Variants in IL17B observed in about 807,000 individuals in gnomAD.
IL17B encodes the protein interleukin-17B.
Under a neutral mutation model 14.7 loss-of-function variants are expected in IL17B, and 14 were observed. The ratio of observed to expected loss-of-function variants is 0.95; its 90% CI spans 0.63 to 1.49. The LOEUF is 1.49. Ranked by LOEUF, IL17B falls within the 40% of genes most tolerant of loss-of-function variation. The pLI, the probability that IL17B is intolerant of heterozygous loss-of-function variation, is 0.00. For missense variants in IL17B, 233 were observed against 252.8 expected (o/e 0.92, Z 0.53); for synonymous variants, 105 against 94.8 (o/e 1.11, Z -0.62).
intron 1 of IL17B, among the ~76,000 whole-genome samples, chr5:149,397,541 C>A (rs1057085192): frequency 2.6e-5 from 4 of 152,162 alleles, no homozygotes; most frequent in Non-Finnish European, 5.9e-5. Flanking sequence ...TGCGAGGGAA[C>A]AATTTCACAG....
In IL17B at chr5:149,376,997, A is replaced by G; in HGVS notation, c.50T>C (p.Leu17Pro). 1 of 1,568,572 alleles carries G rather than the reference A, an allele frequency of 6.4e-7. No homozygotes were observed. Among genetic ancestry groups the G allele is most frequent in the South Asian group, 1.2e-5 (1 of 83,686 alleles). Residue 17 changes from leucine to proline, a missense_variant, in exon 2 of 3, where the codon CTG becomes CCG. Leu to Pro is a moderately conservative substitution (Grantham distance 98). Transcript: ENST00000261796. ...LLFLLTISIF[L>P]GLGQPRSPKS... is the part of the protein sequence containing the mutation. ...GGGGCTCCTGGGCTGGCCCAGCCCC[A>G]GGAAGATGGAAATGGTAAGAAGAAA...
intron 1 of IL17B, among the ~76,000 whole-genome samples, chr5:149,391,109 G>A (rs1195177833): frequency 6.6e-6 from 1 of 152,136 alleles, no homozygotes; most frequent in East Asian, 1.9e-4. Context: ...TGGGATTACA[G>A]GCACCTGCCA....
At chr5:149,378,091 C>A (rs1379124429) in intron 1 of IL17B, among the ~76,000 whole-genome samples, 1 of 151,984 alleles carries the variant, frequency 6.6e-6, no homozygotes, top group East Asian at 1.9e-4. Flanking sequence ...TTGCAGTGAG[C>A]CGAGATCACA....
At position 149,377,011 on chromosome 5, in the gene IL17B, G is replaced by C; in HGVS notation, c.36C>G (p.Thr12=). Residue 12 remains threonine (T), a synonymous_variant, in exon 2 of 3, where the codon ACC becomes ACG. Coordinates refer to ENST00000261796, the MANE Select transcript of IL17B (RefSeq NM_014443.3). ...DWPHNLLFLL[T]ISIFLGLGQP... ...GGCCCAGCCCCAGGAAGATGGAAATGGTAAGAAGAAACAGCTGGGGAGGAA... is the reference window on the plus strand; with the variant it reads ...GGCCCAGCCCCAGGAAGATGGAAATCGTAAGAAGAAACAGCTGGGGAGGAA... The C allele has an allele frequency of 1.3e-6, 2 of 1,554,262 alleles. No homozygotes were observed. The highest frequency in any genetic ancestry group is 1.7e-6 in the Non-Finnish European group (2 of 1,155,792).
intron 1 of IL17B, among the ~76,000 whole-genome samples, chr5:149,402,526 T>C (rs954613164): frequency 1.3e-5 from 2 of 152,102 alleles, no homozygotes; most frequent in Admixed American, 6.5e-5. Flanking sequence ...CTTCCTGTCC[T>C]GGCCTATCTG....
chr5:149,393,277 T>C (rs1168845600), intron 1 of IL17B, among the ~76,000 whole-genome samples: 1 of 152,204 alleles, frequency 6.6e-6, no homozygotes, highest in Non-Finnish European at 1.5e-5. Context: ...CAGGTCGCAG[T>C]GCACGCTTCC....
intron 1 of IL17B, among the ~76,000 whole-genome samples, chr5:149,393,116 C>T (rs574758814): frequency 1.1e-4 from 16 of 152,194 alleles, no homozygotes; most frequent in African/African-American, 3.6e-4. Flanking sequence ...TTACCTAACC[C>T]GTTTATTGTA....
chr5:149,389,066 T>C (rs1017089969), intron 1 of IL17B, among the ~76,000 whole-genome samples: 3 of 152,230 alleles, frequency 2.0e-5, no homozygotes, highest in Admixed American at 6.5e-5. Context: ...GGCAGAATAT[T>C]CTGTTCACTT....
chr5:149,376,879 A>C lies in IL17B; in HGVS notation c.168T>G (p.Tyr56Ter). The stretch of plus-strand genomic sequence containing the variant: ...TCCTCTCATACTCCTCCATGCGGGC[A>C]TACGGTTTCATCCGTGACACCAGGT... ...PLDLVSRMKPYARMEEYERNI... is the reference protein window; with the variant it reads ...PLDLVSRMKP Residue 56 changes from tyrosine (Y) to a stop codon, truncating the protein, a stop_gained, in exon 2 of 3, where the codon TAT becomes TAG. Transcript: ENST00000261796. LOFTEE classifies it high-confidence loss of function. 1 of 1,614,146 alleles carries C rather than the reference A, an allele frequency of 6.2e-7. No individual in the cohort carries two copies. The highest frequency in any genetic ancestry group is 8.5e-7 in the Non-Finnish European group (1 of 1,180,020).
intron 1 of IL17B, among the ~76,000 whole-genome samples, chr5:149,384,553 G>A (rs953076117): frequency 6.6e-6 from 1 of 152,192 alleles, no homozygotes; most frequent in Non-Finnish European, 1.5e-5. Context: ...CCTCATCCCT[G>A]CTATGTAGCA....
rs1310368315 is a variant in IL17B at position 149,374,576 on chromosome 5, G to T, written c.336C>A (p.Ile112=). 6.2e-7 allele frequency: 1 copy of T among 1,612,322 alleles called. No homozygotes were observed. The change falls in exon 3 of 3, where the codon ATC becomes ATA. Residue 112 remains isoleucine (I), a synonymous_variant. Transcript: ENST00000261796. The surrounding 1 kb of genome is among the most constrained non-coding windows in gnomAD (Gnocchi z 5.0). The stretch of plus-strand genomic sequence containing the variant: ...ACCGTGCCTCCGGCAGGTCCACGGG[G>T]ATACGGCTGGGGTCGTGGTTGATGC... The part of the protein sequence containing the change: ...GYSINHDPSR[I]PVDLPEARCL...
At chr5:149,381,054 ACACT>A (rs1758683523), upstream of IL17B, among the ~76,000 whole-genome samples, 1 of 152,094 alleles carries the variant, frequency 6.6e-6, no homozygotes, top group South Asian at 2.1e-4. Context: ...CTCTCTGCAC[ACACT>A]CTGCTGCTGC....
intron 1 of IL17B, among the ~76,000 whole-genome samples, chr5:149,399,939 C>T (rs1260345905): frequency 6.6e-6 from 1 of 152,150 alleles, no homozygotes; most frequent in African/African-American, 2.4e-5. Context: ...CTACATTTCC[C>T]AGACTTCCAG....
chr5:149,397,057 T>C (rs556821722), intron 1 of IL17B, among the ~76,000 whole-genome samples: 8 of 152,160 alleles, frequency 5.3e-5, no homozygotes, highest in Non-Finnish European at 1.2e-4. Flanking sequence ...ACTTGGAGAG[T>C]GGTTGTGGTC....
At position 149,374,380 on chromosome 5, in the gene IL17B, A is replaced by T; in HGVS notation, c.532T>A (p.Cys178Ser). ...CTGGGCCAGGTGATTCAGAAGATGC[A>T]GGTGCAGCCCACAGCGATGGTCTCC... is the stretch of plus-strand genomic sequence containing the variant. ...VMETIAVGCTCIF is the reference protein window; with the variant it reads ...VMETIAVGCTSIF Residue 178 changes from cysteine (C) to serine (S), a missense_variant, in exon 3 of 3, where the codon TGC becomes AGC. Cys to Ser is a moderately radical substitution (Grantham distance 112). Transcript: ENST00000261796. This position sits in a 1 kb window ranked among gnomAD's most constrained non-coding sequence, Gnocchi z 5.0. 6.4e-7 allele frequency: 1 copy of T among 1,572,614 alleles called. No individual in the cohort carries two copies. Among genetic ancestry groups the T allele is most frequent in the South Asian group, 1.1e-5 (1 of 88,690 alleles).
chr5:149,390,587 G>GCACACACACACA (rs56268721), intron 1 of IL17B, among the ~76,000 whole-genome samples: 42 of 114,944 alleles, frequency 3.7e-4, no homozygotes, highest in African/African-American at 8.4e-4. Context: ...CCCTGAGTTA[G>GCACACACACACA]CACACACACA....
intron 1 of IL17B, among the ~76,000 whole-genome samples, chr5:149,391,767 G>A (rs74453845): frequency 6.0e-4 from 92 of 152,266 alleles, no homozygotes; most frequent in South Asian, 1.7e-3. Context: ...GCGACTGGCC[G>A]GTGTGCAATA....
intron 1 of IL17B, among the ~76,000 whole-genome samples, chr5:149,399,028 G>A (rs947728907): frequency 1.1e-4 from 16 of 152,180 alleles, no homozygotes; most frequent in African/African-American, 2.4e-4. Flanking sequence ...GGAAACTCCC[G>A]TTTTTAAAAC....
At chr5:149,380,389 T>C (rs1271681946), upstream of IL17B, among the ~76,000 whole-genome samples, 1 of 152,160 alleles carries the variant, frequency 6.6e-6, no homozygotes, top group East Asian at 1.9e-4. Flanking sequence ...TTATAAACAT[T>C]AGTTGTTCTA....
Sources: allele counts gnomAD v4.1 joint callset (sites outside exome capture counted in the v4.1 genomes callset), GRCh38; gene constraint gnomAD v4.1.1; non-coding constraint Gnocchi (gnomAD v3.1); transcripts MANE v1.5; gene names NCBI Gene and HGNC (gene_info 2026-07-23, HGNC 2026-07-21).